The following APOL5 variants were observed in gnomAD, a reference collection of about 807,000 sequenced individuals.
APOL5 encodes the protein apolipoprotein L5.
A neutral mutation model predicts 35.5 loss-of-function variants in APOL5; 29 were observed. The ratio of observed to expected loss-of-function variants is 0.82; its 90% CI spans 0.61 to 1.11. APOL5 has a LOEUF of 1.11. Among genes scored for constraint, APOL5 ranks in the 50% most tolerant of loss-of-function variants. The pLI is 0.00. For synonymous variants in APOL5, 188 were observed against 200.2 expected (o/e 0.94, Z 0.51); for missense variants, 514 against 530.4 (o/e 0.97, Z 0.30).
intron 3 of APOL5, among the ~76,000 whole-genome samples, chr22:35,727,763 C>T (rs1927221102): frequency 6.6e-6 from 1 of 152,196 alleles, no homozygotes; most frequent in Non-Finnish European, 1.5e-5. Context: ...GTGAATGTGG[C>T]ATTGCGTGAT....
intron 2 of APOL5, among the ~76,000 whole-genome samples, chr22:35,722,417 C>T (rs552785209): frequency 1.5e-3 from 233 of 152,288 alleles, no homozygotes; most frequent in African/African-American, 5.4e-3. Context: ...ATTCTCCTGC[C>T]TCAGCCTTCC....
Position 35,727,002 on chromosome 22 carries a change from C to T in APOL5, c.934C>T (p.Gln312Ter), listed in dbSNP as rs1927189482. Reference protein sequence around the residue: ...LLMKDMSSFLQSWKHLEDGAR... With the variant: ...LLMKDMSSFL ...TATGAAAGACATGAGCAGCTTCCTGCAGAGCTGGAAGCACCTGGAGGATGG... is the reference window on the plus strand; with the variant it reads ...TATGAAAGACATGAGCAGCTTCCTGTAGAGCTGGAAGCACCTGGAGGATGG... The change falls in exon 3 of 5, where the codon CAG becomes TAG. Residue 312 changes from glutamine (Q) to a stop codon, truncating the protein, a stop_gained. Coordinates refer to ENST00000249044, the MANE Select transcript of APOL5 (RefSeq NM_030642.1). LOFTEE classifies it high-confidence loss of function. The T allele has an allele frequency of 1.9e-6, 3 of 1,614,122 alleles. No homozygotes were observed. Among genetic ancestry groups the T allele is most frequent in the Non-Finnish European group, 2.5e-6 (3 of 1,179,986 alleles).
chr22:35,717,235 A>AAAAAAAAAAAATATATATATATATATAT, upstream of APOL5, among the ~76,000 whole-genome samples: 3 of 57,658 alleles, frequency 5.2e-5, no homozygotes, highest in Admixed American at 1.8e-4. Flanking sequence ...AAAAAAAAAA[A>AAAAAAAAAAAATATATATATATATATAT]ATATATATAT....
chr22:35,716,570 C>T (rs942973224), upstream of APOL5, among the ~76,000 whole-genome samples: 4 of 152,156 alleles, frequency 2.6e-5, no homozygotes, highest in Admixed American at 2.6e-4. Flanking sequence ...CTTCTATTGG[C>T]TTTTATTATA....
At chr22:35,717,110 G>T (rs773996581), upstream of APOL5, among the ~76,000 whole-genome samples, 4 of 151,178 alleles carry the variant, frequency 2.6e-5, no homozygotes, top group Admixed American at 6.6e-5. Flanking sequence ...AGAAGGCCAG[G>T]TGCAGTGGCT....
chr22:35,716,181 T>C (rs1170025521), upstream of APOL5, among the ~76,000 whole-genome samples: 1 of 152,242 alleles, frequency 6.6e-6, no homozygotes, highest in Non-Finnish European at 1.5e-5. Context: ...CTTGGCAGCA[T>C]TCCCTGCACC....
In APOL5 at chr22:35,728,793, G is replaced by C. The variant is rs890841017; in HGVS notation, c.1197G>C (p.Arg399Ser). The C allele has an allele frequency of 1.9e-6, 3 of 1,613,544 alleles. No individual in the cohort carries two copies. Among genetic ancestry groups the C allele is most frequent in the South Asian group, 1.1e-5 (1 of 90,866 alleles). Residue 399 changes from arginine (R) to serine (S), a missense_variant, in exon 4 of 5, where the codon AGG (arginine) becomes AGC (serine). Physicochemically the swap from Arg to Ser is moderately radical, Grantham distance 110. Around this residue, in one of 3 missense-constraint regions of APOL5, gnomAD observed 238 missense variants for 229.1 expected, o/e 1.04. Coordinates refer to ENST00000249044, the MANE Select transcript of APOL5 (RefSeq NM_030642.1). ...GGCTGGGCCCTGGCGTGGCACTGAG[G>C]ACACCAAAGAGGACAGTCTCTGCCC... ...QPRLGPGVALRTPKRTVSAPR... is the reference protein window; with the variant it reads ...QPRLGPGVALSTPKRTVSAPR...
chr22:35,727,192 A>T lies in APOL5; in HGVS notation c.1124A>T (p.Glu375Val), dbSNP rs779803049. ...CGAGGATCCCGTGTGGTTAAACCAGAAGGTAGGAAGGCAGCGAATAACACG... is the reference window on the plus strand; with the variant it reads ...CGAGGATCCCGTGTGGTTAAACCAGTAGGTAGGAAGGCAGCGAATAACACG... ...AVRGSRVVKP[E>V]GSRSPLPWPV... Residue 375 changes from glutamate to valine, a missense_variant and splice_region_variant, in exon 3 of 5, where the codon GAA becomes GTA. Coordinates refer to ENST00000249044, the MANE Select transcript of APOL5 (RefSeq NM_030642.1). 4 of 1,594,778 alleles carry T rather than the reference A, an allele frequency of 2.5e-6. No individual in the cohort carries two copies. In the African/African-American group the frequency reaches 5.4e-5, roughly 21 times the overall value.
At chr22:35,722,962 G>C (rs778842433) in intron 2 of APOL5, among the ~76,000 whole-genome samples, 55 of 152,160 alleles carry the variant, frequency 3.6e-4, no homozygotes, top group Admixed American at 7.2e-4. Flanking sequence ...TGAACTCCTA[G>C]GTTTACAGAG....
Position 35,726,958 on chromosome 22 carries a change from C to G in APOL5, c.890C>G (p.Ala297Gly). Reference protein sequence around the residue: ...MTNGAWVMGAAGAGFLLMKDM... With the variant: ...MTNGAWVMGAGGAGFLLMKDM... ...AATGGTGCCTGGGTGATGGGTGCTG[C>G]TGGGGCTGGCTTCTTACTTATGAAA... Residue 297 changes from alanine to glycine, a missense_variant, in exon 3 of 5, where the codon GCT becomes GGT. Around this residue, in one of 3 missense-constraint regions of APOL5, gnomAD observed 238 missense variants for 229.1 expected, o/e 1.04. Coordinates refer to ENST00000249044, the MANE Select transcript of APOL5 (RefSeq NM_030642.1). 1 of 1,614,176 alleles carries G rather than the reference C, an allele frequency of 6.2e-7. No individual in the cohort carries two copies. Among genetic ancestry groups the G allele is most frequent in the Non-Finnish European group, 8.5e-7 (1 of 1,180,030 alleles).
intron 2 of APOL5, among the ~76,000 whole-genome samples, chr22:35,721,453 G>C (rs1000085795): frequency 6.6e-6 from 1 of 151,988 alleles, no homozygotes; most frequent in African/African-American, 2.4e-5. Context: ...TGAGGCAGGA[G>C]AATTGCTTGA....
chr22:35,726,109 C>T, intron 2 of APOL5, 102 bp from the exon 3 acceptor site: 1 of 1,361,168 alleles, frequency 7.3e-7, no homozygotes. Flanking sequence ...AATTTCCCCA[C>T]TGTTAGAATT....
chr22:35,728,002 T>C (rs544321054), intron 3 of APOL5, among the ~76,000 whole-genome samples: 1 of 152,358 alleles, frequency 6.6e-6, no homozygotes, highest in East Asian at 1.9e-4. Context: ...TTGCCGAAGA[T>C]GTGAAGGCTC....
At chr22:35,720,525 G>A (rs1453585817) in intron 1 of APOL5, 43 bp from the exon 2 acceptor site, 2 of 1,585,154 alleles carry the variant, frequency 1.3e-6, no homozygotes, top group African/African-American at 2.7e-5. Context: ...TTCGGGCTGA[G>A]ATGACTCAAG....
intron 2 of APOL5, among the ~76,000 whole-genome samples, chr22:35,723,559 T>C (rs1024891618): frequency 3.3e-5 from 5 of 152,232 alleles, no homozygotes; most frequent in Non-Finnish European, 5.9e-5. Context: ...GTGCCTTTTT[T>C]CCCTTTTCCT....
chr22:35,722,682 A>G (rs35687734), intron 2 of APOL5, among the ~76,000 whole-genome samples: 45,756 of 152,048 alleles, frequency 0.3, 7,378 homozygotes, highest in East Asian at 0.6. Flanking sequence ...TTGCTTCTCT[A>G]TAAATAAGGG....
intron 2 of APOL5, among the ~76,000 whole-genome samples, 200 bp downstream of exon 2, chr22:35,720,854 T>C (rs1926949377): frequency 6.6e-6 from 1 of 152,176 alleles, no homozygotes; most frequent in South Asian, 2.1e-4. Flanking sequence ...CAAGTGATTC[T>C]CCTGCCTCAG....
At chr22:35,724,669 C>A (rs1482417815) in intron 2 of APOL5, among the ~76,000 whole-genome samples, 2 of 151,952 alleles carry the variant, frequency 1.3e-5, no homozygotes, top group Non-Finnish European at 2.9e-5. Context: ...AGTGCTATGG[C>A]GCGATCTCGG....
the APOL5 span, among the ~76,000 whole-genome samples, chr22:35,711,375 C>T: frequency 2.6e-5 from 4 of 152,118 alleles, no homozygotes; most frequent in Middle Eastern, 3.2e-3. Context: ...TGAGACCCTG[C>T]TTTCAATTCT....
Sources: gnomAD v4.1 joint callset for allele counts (sites outside exome capture counted in the v4.1 genomes callset) on GRCh38, gnomAD v4.1.1 for gene constraint, gnomAD v4.1.1 regional missense constraint, MANE v1.5 for transcripts, NCBI Gene and HGNC (gene_info 2026-07-23, HGNC 2026-07-21) for gene names.